Variants in PLEKHA5 observed in about 807,000 individuals in gnomAD.
The protein encoded by PLEKHA5 is pleckstrin homology domain containing A5, also known as pleckstrin homology domain-containing family A member 5.
A neutral mutation model predicts 181.9 loss-of-function variants in PLEKHA5; 55 were observed. That is an observed-to-expected ratio of 0.30 (90% CI 0.24 to 0.38). The LOEUF is 0.38. Among genes scored for constraint, PLEKHA5 ranks in the 10% least tolerant of loss-of-function variants. The probability of loss-of-function intolerance (pLI) is 1.00; values close to 1 mark genes in which losing one functional copy is unlikely to be tolerated. For synonymous variants in PLEKHA5, 535 were observed against 529.4 expected (o/e 1.01, Z -0.15); for missense variants, 1,432 against 1,549.5 (o/e 0.92, Z 1.27).
At chr12:19,168,539 A>G (rs1442781319) in intron 3 of PLEKHA5, among the ~76,000 whole-genome samples, 3 of 150,676 alleles carry the variant, frequency 2.0e-5, no homozygotes, top group Non-Finnish European at 3.0e-5. Context: ...GAGAAATAAA[A>G]TTTGATACGA....
At chr12:19,350,562 A>T (rs2094543427) in intron 25 of PLEKHA5, among the ~76,000 whole-genome samples, 1 of 152,140 alleles carries the variant, frequency 6.6e-6, no homozygotes, top group African/African-American at 2.4e-5. Flanking sequence ...CAAGGTCAGG[A>T]GTTCAAGACC....
At chr12:19,368,890 A>G (rs1290933906) in intron 30 of PLEKHA5, among the ~76,000 whole-genome samples, 5 of 152,178 alleles carry the variant, frequency 3.3e-5, no homozygotes, top group Non-Finnish European at 5.9e-5. Flanking sequence ...GGTCTGGATC[A>G]AAGTGTTATG....
intron 20 of PLEKHA5, among the ~76,000 whole-genome samples, chr12:19,325,172 G>A (rs2091801002): frequency 1.3e-5 from 2 of 151,902 alleles, no homozygotes; most frequent in Admixed American, 1.3e-4. Context: ...CAGGAGGATT[G>A]CTTGGGCCCA....
At chr12:19,353,690 C>T (rs554046363) in intron 25 of PLEKHA5, among the ~76,000 whole-genome samples, 194 bp from the exon 26 acceptor site, 193 of 147,992 alleles carry the variant, frequency 1.3e-3, no homozygotes, top group African/African-American at 4.6e-3. Flanking sequence ...AACTCCTGAC[C>T]TCAGGTCATC....
At chr12:19,227,751 A>T (rs923950068) in intron 3 of PLEKHA5, among the ~76,000 whole-genome samples, 1 of 152,194 alleles carries the variant, frequency 6.6e-6, no homozygotes, top group South Asian at 2.1e-4. Flanking sequence ...GAGCAAGAAA[A>T]AAAGAATGGG....
At chr12:19,216,050 T>C (rs756432374) in intron 3 of PLEKHA5, among the ~76,000 whole-genome samples, 26 of 152,196 alleles carry the variant, frequency 1.7e-4, no homozygotes, top group African/African-American at 6.0e-4. Context: ...ATTGCTGTAA[T>C]TGAACTTCAG....
chr12:19,270,056 G>A (rs2072118833), intron 9 of PLEKHA5, 132 bp from the exon 10 acceptor site: 1 of 627,628 alleles, frequency 1.6e-6, no homozygotes, highest in Non-Finnish European at 2.6e-6. Flanking sequence ...TACACATTTT[G>A]TTAGTTTGCG....
At chr12:19,204,603 A>G (rs574713118) in intron 3 of PLEKHA5, among the ~76,000 whole-genome samples, 1 of 152,272 alleles carries the variant, frequency 6.6e-6, no homozygotes, top group Admixed American at 6.5e-5. Context: ...CCATTTTTAT[A>G]AAACTTTTTC....
chr12:19,336,701 A>G (rs559634543), intron 21 of PLEKHA5, 85 bp downstream of exon 21: 114 of 729,382 alleles, frequency 1.6e-4, no homozygotes, highest in East Asian at 1.1e-3. Context: ...ACGCATACCC[A>G]TAACAGTTTT....
At chr12:19,237,584 A>G (rs926382624) in intron 3 of PLEKHA5, among the ~76,000 whole-genome samples, 21 of 152,092 alleles carry the variant, frequency 1.4e-4, no homozygotes, top group African/African-American at 4.3e-4. Context: ...TATTTGGGCC[A>G]TATCAGTGAT....
In PLEKHA5 at chr12:19,269,859, C is replaced by T. The variant is rs145590944; in HGVS notation, c.801C>T (p.Ala267=). 2.0e-5 allele frequency: 32 copies of T among 1,593,540 alleles called. No homozygotes were observed. Among genetic ancestry groups the T allele is most frequent in the Non-Finnish European group, 2.5e-5 (29 of 1,161,630 alleles). Residue 267 remains alanine, a synonymous_variant, in exon 9 of 32, where the codon GCC becomes GCT. Transcript: ENST00000429027. ...ELWMKAMLDA[A]LVQTEPVKRI... ...GGATGAAAGCCATGTTAGATGCTGC[C>T]CTAGTACAGACAGAACCTGTGAAAA...
chr12:19,269,073 T>C lies in PLEKHA5; in HGVS notation c.712-697T>C, dbSNP rs73331820. ...GCTGGTTGCTGGGAATATTCTTAAATAAAGAATATTTATTCAAGAATAAAT... is the reference window on the plus strand; with the variant it reads ...GCTGGTTGCTGGGAATATTCTTAAACAAAGAATATTTATTCAAGAATAAAT... On this transcript the variant is annotated intron_variant, in intron 8 of 31. Transcript: ENST00000429027. Among the ~76,000 whole-genome samples the C allele has an allele frequency of 3.0e-3, 457 of 152,140 alleles. 2 individuals carry two copies. Among genetic ancestry groups the C allele is most frequent in the African/African-American group, 0.011 (443 of 41,544 alleles).
In PLEKHA5 at chr12:19,336,672, A is replaced by G. The variant is rs981457217; in HGVS notation, c.2550+56A>G. ...TTAACTGTTTTTACTGGTACTGTAC[A>G]ATCCACCTTGTTAGATTTACGCATA... On this transcript the variant is annotated intron_variant, in intron 21 of 31. Coordinates refer to ENST00000429027, the MANE Select transcript of PLEKHA5 (RefSeq NM_001256470.2). 5.0e-5 allele frequency: 47 copies of G among 947,016 alleles called. No homozygotes were observed. The African/African-American group carries it at 6.0e-4, about 12-fold the overall frequency. 58.7% of individuals were successfully genotyped at this position (947,016 alleles called of 1,614,324 possible).
intron 3 of PLEKHA5, among the ~76,000 whole-genome samples, chr12:19,242,303 A>C (rs2062794974): frequency 6.6e-6 from 1 of 151,754 alleles, no homozygotes. Flanking sequence ...CAGTGGCACG[A>C]TCTTGGCTCA....
chr12:19,344,608 G>A (rs186924250), intron 22 of PLEKHA5, among the ~76,000 whole-genome samples: 219 of 152,270 alleles, frequency 1.4e-3, no homozygotes, highest in African/African-American at 5.1e-3. Flanking sequence ...TTTAAAAGGT[G>A]AGAAATAAGC....
intron 20 of PLEKHA5, among the ~76,000 whole-genome samples, chr12:19,334,148 G>A (rs11829984): frequency 0.053 from 8,111 of 152,160 alleles, 357 homozygotes; most frequent in East Asian, 0.2. Flanking sequence ...CAGATGTTGG[G>A]AGGAAATGTG....
intron 3 of PLEKHA5, among the ~76,000 whole-genome samples, chr12:19,146,029 A>G (rs2151209343): frequency 6.6e-6 from 1 of 152,372 alleles, no homozygotes; most frequent in Non-Finnish European, 1.5e-5. Context: ...GCCCCAAATG[A>G]TAACAATACA....
chr12:19,215,348 G>A (rs1039977555), intron 3 of PLEKHA5, among the ~76,000 whole-genome samples: 1 of 152,014 alleles, frequency 6.6e-6, no homozygotes, highest in African/African-American at 2.4e-5. Context: ...TAATATGGAA[G>A]CTATAATAGA....
At position 19,130,182 on chromosome 12, in the gene PLEKHA5, C is replaced by A. The variant is rs552527926; in HGVS notation, c.169+52C>A. On this transcript the variant is annotated intron_variant, in intron 2 of 31. Transcript: ENST00000429027. The surrounding 1 kb of genome is among the most constrained non-coding windows in gnomAD (Gnocchi z 4.5). ...GCTCCGCCTGGAGGAGGCGGCAGAGCCCGGGCCGCCCGGCTCCCCGCAACC... is the reference window on the plus strand; with the variant it reads ...GCTCCGCCTGGAGGAGGCGGCAGAGACCGGGCCGCCCGGCTCCCCGCAACC... 3.3e-6 allele frequency: 4 copies of A among 1,212,212 alleles called. No homozygotes were observed. The South Asian group carries it at 4.5e-5, about 14-fold the overall frequency. 75.1% of individuals were successfully genotyped at this position (1,212,212 alleles called of 1,614,324 possible).
Sources: allele counts gnomAD v4.1 joint callset (sites outside exome capture counted in the v4.1 genomes callset), GRCh38; gene constraint gnomAD v4.1.1; non-coding constraint Gnocchi (gnomAD v3.1); transcripts MANE v1.5; gene names NCBI Gene and HGNC (gene_info 2026-07-23, HGNC 2026-07-21).